ZFAND3: variants seen among roughly 807,000 people sequenced by gnomAD.
The protein encoded by ZFAND3 is AN1-type zinc finger protein 3.
In ZFAND3, 10 loss-of-function variants were observed where a neutral mutation model predicts 29.6. That is an observed-to-expected ratio of 0.34 (90% CI 0.21 to 0.57). The LOEUF is 0.57. ZFAND3 is among the 20% of genes least tolerant of loss of function. The probability of loss-of-function intolerance (pLI) is 0.86; values close to 1 mark genes in which losing one functional copy is unlikely to be tolerated. For synonymous variants in ZFAND3, 128 were observed against 112.6 expected (o/e 1.14, Z -0.87); for missense variants, 230 against 304.5 (o/e 0.76, Z 1.82).
At chr6:37,920,056 T>C (rs1248084358) in intron 1 of ZFAND3, among the ~76,000 whole-genome samples, 1 of 95,188 alleles carries the variant, frequency 1.1e-5, no homozygotes, top group Non-Finnish European at 2.0e-5. Flanking sequence ...TTGAAGCTTT[T>C]TTTTTTTTTT....
intron 3 of ZFAND3, among the ~76,000 whole-genome samples, chr6:38,065,038 G>C (rs923514842): frequency 5.9e-5 from 9 of 152,152 alleles, no homozygotes; most frequent in African/African-American, 2.2e-4. Flanking sequence ...AAGCAGGGAG[G>C]GCTGGGCACA....
At chr6:38,142,212 G>GA (rs1391112196) in intron 5 of ZFAND3, 1 of 471,198 alleles carries the variant, frequency 2.1e-6, no homozygotes, top group Non-Finnish European at 4.4e-6. Context: ...TGTGTTGATT[G>GA]AAAGGTCAGT....
intron 1 of ZFAND3, among the ~76,000 whole-genome samples, chr6:37,828,687 C>G (rs921687058): frequency 6.6e-6 from 1 of 150,544 alleles, no homozygotes; most frequent in African/African-American, 2.4e-5. Flanking sequence ...CTCGCTGTGT[C>G]GCCCAGGCTG....
At chr6:37,823,230 A>T (rs1368816277) in intron 1 of ZFAND3, among the ~76,000 whole-genome samples, 1 of 152,218 alleles carries the variant, frequency 6.6e-6, no homozygotes, top group East Asian at 1.9e-4. Flanking sequence ...AGAGCGAAGT[A>T]CATAGAAGTG....
At chr6:38,146,861 C>G (rs557832132) in intron 5 of ZFAND3, among the ~76,000 whole-genome samples, 72 of 152,300 alleles carry the variant, frequency 4.7e-4, no homozygotes, top group African/African-American at 1.6e-3. Context: ...AAATTACATG[C>G]TGCTGAACGA....
chr6:37,882,827 G>A (rs1764921150), intron 1 of ZFAND3, among the ~76,000 whole-genome samples: 1 of 152,150 alleles, frequency 6.6e-6, no homozygotes. Flanking sequence ...TGGGACTTTG[G>A]AATTTCTTTG....
chr6:37,893,596 C>T (rs1199753058), intron 1 of ZFAND3, among the ~76,000 whole-genome samples: 1 of 152,128 alleles, frequency 6.6e-6, no homozygotes, highest in Non-Finnish European at 1.5e-5. Flanking sequence ...CTCTGTTGCC[C>T]AGGCTGGAGT....
intron 1 of ZFAND3, among the ~76,000 whole-genome samples, chr6:37,862,195 T>A (rs1042949519): frequency 6.6e-6 from 1 of 152,188 alleles, no homozygotes; most frequent in African/African-American, 2.4e-5. Context: ...TGTTGTTTTT[T>A]AACCATATGT....
intron 1 of ZFAND3, among the ~76,000 whole-genome samples, chr6:37,842,730 T>C (rs968443058): frequency 7.9e-5 from 12 of 152,194 alleles, no homozygotes; most frequent in African/African-American, 2.9e-4. Context: ...CTTAATTTTA[T>C]TTTTAGAGTT....
In ZFAND3 at chr6:37,991,697, T is replaced by A. The variant is rs115537345; in HGVS notation, c.112+61698T>A. 3.1e-3 allele frequency among the ~76,000 whole-genome samples: 469 copies of A among 152,320 alleles called. 3 individuals carry two copies. Among genetic ancestry groups the A allele is most frequent in the African/African-American group, 0.011 (447 of 41,576 alleles). ...CTGCACAGTAGCATATTTCAAAGGC[T>A]TGTGGTGTACTTTTGTCTTCAGTTA... is the stretch of plus-strand genomic sequence containing the variant. On this transcript the variant is annotated intron_variant, in intron 2 of 5. Transcript: ENST00000287218.
intron 4 of ZFAND3, among the ~76,000 whole-genome samples, chr6:38,107,004 T>G (rs927758447): frequency 1.3e-5 from 2 of 152,186 alleles, no homozygotes; most frequent in African/African-American, 4.8e-5. Context: ...GTCTGGTGAA[T>G]TTTTTCCTTA....
intron 1 of ZFAND3, among the ~76,000 whole-genome samples, chr6:37,925,180 T>C (rs1761460048): frequency 6.6e-6 from 1 of 152,150 alleles, no homozygotes; most frequent in Non-Finnish European, 1.5e-5. Context: ...CAACTTGTTT[T>C]AAAAGATGAC....
chr6:38,039,680 A>G lies in ZFAND3; in HGVS notation c.113-21913A>G, dbSNP rs533145537. On this transcript the variant is annotated intron_variant, in intron 2 of 5. Transcript: ENST00000287218. ...AGTACTCTGTAGTGCATGGAAAAGT[A>G]TAAGTATGTGGTCTACAAGGAGACA... is the stretch of plus-strand genomic sequence containing the variant. 3.9e-5 allele frequency among the ~76,000 whole-genome samples: 6 copies of G among 152,322 alleles called. No individual in the cohort carries two copies. The East Asian group carries it at 9.6e-4, about 24-fold the overall frequency.
intron 1 of ZFAND3, among the ~76,000 whole-genome samples, chr6:37,920,878 G>T (rs1221992382): frequency 6.6e-6 from 1 of 152,164 alleles, no homozygotes; most frequent in Non-Finnish European, 1.5e-5. Context: ...TGCCTAGGGT[G>T]AGTAGAGAGT....
intron 1 of ZFAND3, among the ~76,000 whole-genome samples, chr6:37,820,361 C>T (rs1763642102): frequency 6.6e-6 from 1 of 152,198 alleles, no homozygotes; most frequent in Non-Finnish European, 1.5e-5. Flanking sequence ...GTGCCCCTTC[C>T]GTGGGCATGT....
chr6:38,140,245 A>T (rs373754509), intron 5 of ZFAND3, among the ~76,000 whole-genome samples: 1 of 152,224 alleles, frequency 6.6e-6, no homozygotes, highest in African/African-American at 2.4e-5. Context: ...AATTGTTAGC[A>T]TACATAGTTA....
intron 2 of ZFAND3, among the ~76,000 whole-genome samples, chr6:38,047,325 A>AAG (rs1561979588): frequency 7.3e-5 from 11 of 151,616 alleles, no homozygotes; most frequent in Non-Finnish European, 1.5e-4. Flanking sequence ...AAAAAAAAAA[A>AAG]AAAGAAAAGA....
In ZFAND3 at chr6:37,844,830, C is replaced by A. The variant is rs181330722; in HGVS notation, c.71+24814C>A. 5.6e-3 allele frequency among the ~76,000 whole-genome samples: 834 copies of A among 149,846 alleles called. 4 individuals are homozygous for A. Among genetic ancestry groups the A allele is most frequent in the Non-Finnish European group, 9.6e-3 (651 of 67,614 alleles). On this transcript the variant is annotated intron_variant, in intron 1 of 5. Transcript: ENST00000287218. ...GAGATCGAGACCAGCCTGGCTAACACGGTGAAACTCCGTCTCTACTAAAAA... is the reference window on the plus strand; with the variant it reads ...GAGATCGAGACCAGCCTGGCTAACAAGGTGAAACTCCGTCTCTACTAAAAA...
chr6:38,115,974 A>G (rs917069239), intron 4 of ZFAND3, among the ~76,000 whole-genome samples: 12 of 152,158 alleles, frequency 7.9e-5, no homozygotes, highest in Non-Finnish European at 1.6e-4. Context: ...GTGCCCCTTC[A>G]TTCTGAATCA....
Sources: gnomAD v4.1 joint callset for allele counts (sites outside exome capture counted in the v4.1 genomes callset) on GRCh38, gnomAD v4.1.1 for gene constraint, MANE v1.5 for transcripts, NCBI Gene and HGNC (gene_info 2026-07-23, HGNC 2026-07-21) for gene names.